Variants in GGA3 observed in about 807,000 individuals in gnomAD.
GGA3 encodes the protein golgi associated, gamma adaptin ear containing, ARF binding protein 3.
GGA3 carries 57 observed loss-of-function variants against 77.5 expected under a neutral mutation model. That is an observed-to-expected ratio of 0.74 (90% CI 0.59 to 0.92). GGA3 has a LOEUF of 0.92. Ranked by LOEUF, GGA3 falls within the 40% of genes least tolerant of loss-of-function variation. The probability of loss-of-function intolerance (pLI) is 0.00; values close to 1 mark genes in which losing one functional copy is unlikely to be tolerated. For synonymous variants in GGA3, 416 were observed against 383.7 expected, an observed-to-expected ratio of 1.08 and a Z score of -0.98; for missense variants, 970 against 914.9, an observed-to-expected ratio of 1.06 and a Z score of -0.78.
intron 3 of GGA3, among the ~76,000 whole-genome samples, chr17:75,246,139 C>T (rs546412914): frequency 1.3e-5 from 2 of 152,374 alleles, no homozygotes; most frequent in South Asian, 4.1e-4. Flanking sequence ...CCCCTCTTTT[C>T]TTCAGCTGGC....
In GGA3 at chr17:75,240,050, G is replaced by A; in HGVS notation, c.1322C>T (p.Ala441Val). 6.4e-7 allele frequency: 1 copy of A among 1,552,108 alleles called. No homozygotes were observed. Among genetic ancestry groups the A allele is most frequent in the South Asian group, 1.2e-5 (1 of 84,252 alleles). The change falls in exon 13 of 17, where the codon GCC (alanine) becomes GTC (valine). Residue 441 changes from alanine to valine, a missense_variant. Ala to Val is a moderately conservative substitution (Grantham distance 64). Coordinates refer to ENST00000537686, the MANE Select transcript of GGA3 (RefSeq NM_138619.4). ...SPRPGTAACG[A>V]SDAPLLQPSA... ...GGGCTGGAGCAGAGGAGCATCGGAG[G>A]CGCCACAGGCAGCGGTCCCCGGCCT... is the stretch of plus-strand genomic sequence containing the variant.
Position 75,239,037 on chromosome 17 carries a change from G to A in GGA3, c.1827C>T (p.Ile609=), listed in dbSNP as rs2145476191. 1 of 1,614,004 alleles carries A rather than the reference G, an allele frequency of 6.2e-7. No homozygotes were observed. The highest frequency in any genetic ancestry group is 8.5e-7 in the Non-Finnish European group (1 of 1,179,994). Residue 609 remains isoleucine, a synonymous_variant, in exon 15 of 17, where the codon ATC becomes ATT. Transcript: ENST00000537686. ...GACACTCCTTGGCAAAGTGGAAGAGGATGCGGAAGCCGTTTTTATCGTAGG... is the reference window on the plus strand; with the variant it reads ...GACACTCCTTGGCAAAGTGGAAGAGAATGCGGAAGCCGTTTTTATCGTAGG... ...VTAYDKNGFR[I]LFHFAKECPP...
chr17:75,245,964 CTT>C (rs1384171109), intron 3 of GGA3, among the ~76,000 whole-genome samples: 1 of 152,218 alleles, frequency 6.6e-6, no homozygotes, highest in Admixed American at 6.5e-5. Flanking sequence ...CTCGGCTGCT[CTT>C]TGTTTTCGGA....
chr17:75,256,005 G>A (rs2077139757), intron 1 of GGA3, among the ~76,000 whole-genome samples: 1 of 152,078 alleles, frequency 6.6e-6, no homozygotes, highest in Non-Finnish European at 1.5e-5. Flanking sequence ...ACCTATCTCG[G>A]CATAATTCTC....
rs2076423636 is a variant in GGA3 at position 75,239,017 on chromosome 17, T to G, written c.1847A>C (p.Glu616Ala). 6.2e-7 allele frequency: 1 copy of G among 1,613,952 alleles called. No homozygotes were observed. The highest frequency in any genetic ancestry group is 8.5e-7 in the Non-Finnish European group (1 of 1,180,024). Residue 616 changes from glutamate (E) to alanine (A), a missense_variant, in exon 15 of 17, where the codon GAG becomes GCG. By Grantham distance (107) the Glu-to-Ala change is moderately radical. Transcript: ENST00000537686. Reference protein sequence around the residue: ...GFRILFHFAKECPPGRPDVLV... With the variant: ...GFRILFHFAKACPPGRPDVLV... ...CACGTCAGGTCGTCCTGGGGGACAC[T>G]CCTTGGCAAAGTGGAAGAGGATGCG...
intron 1 of GGA3, among the ~76,000 whole-genome samples, chr17:75,255,185 G>A (rs978979884): frequency 6.6e-6 from 1 of 151,902 alleles, no homozygotes; most frequent in African/African-American, 2.4e-5. Flanking sequence ...TCTTTTCAAG[G>A]GCCTGTTTCC....
At chr17:75,242,300 G>C (rs1267334462) in intron 8 of GGA3, 36 bp downstream of exon 8, 1 of 1,612,592 alleles carries the variant, frequency 6.2e-7, no homozygotes. Flanking sequence ...GGGCAGCGCA[G>C]CCCCGGGAGG....
chr17:75,246,843 G>A (rs1262462677), intron 1 of GGA3, 47 bp from the exon 2 acceptor site: 2 of 1,450,900 alleles, frequency 1.4e-6, no homozygotes, highest in African/African-American at 2.8e-5. Flanking sequence ...AGAGCAATGA[G>A]GATGCAATGG....
intron 12 of GGA3, 94 bp from the exon 13 acceptor site, chr17:75,240,202 A>G (rs904755419): frequency 1.7e-6 from 2 of 1,208,172 alleles, no homozygotes; most frequent in Non-Finnish European, 2.4e-6. Context: ...CACGGAAGAC[A>G]GCCCCGGAGG....
At chr17:75,258,584 T>G (rs1236262598) in intron 1 of GGA3, among the ~76,000 whole-genome samples, 1 of 152,196 alleles carries the variant, frequency 6.6e-6, no homozygotes, top group Non-Finnish European at 1.5e-5. Flanking sequence ...GATGGAGAAT[T>G]GCTTGCACCT....
At chr17:75,241,187 G>C (rs747076680) in intron 10 of GGA3, 130 bp from the exon 11 acceptor site, 2 of 1,152,492 alleles carry the variant, frequency 1.7e-6, no homozygotes, top group African/African-American at 3.0e-5. Context: ...TCTCTGCCAG[G>C]GGATGCTGCA....
At position 75,238,178 on chromosome 17, in the gene GGA3, A is replaced by G; in HGVS notation, c.*101T>C. 6.6e-7 allele frequency: 1 copy of G among 1,520,530 alleles called. No individual in the cohort carries two copies. The highest frequency in any genetic ancestry group is 8.8e-7 in the Non-Finnish European group (1 of 1,134,660). 94.2% of individuals were successfully genotyped at this position (1,520,530 alleles called of 1,614,324 possible). A position where few individuals can be genotyped will look rare whatever the true frequency, so the allele number is the denominator to read the frequency against. ...GGCCCCTGTTCCACATCAAAGCTAC[A>G]AGCACTGTTGTCAGGGCATGGAGAG... On this transcript the variant is annotated 3_prime_UTR_variant, in exon 17 of 17. Transcript: ENST00000537686.
chr17:75,247,854 G>A (rs1245497423), intron 1 of GGA3, among the ~76,000 whole-genome samples: 1 of 152,100 alleles, frequency 6.6e-6, no homozygotes, highest in Non-Finnish European at 1.5e-5. Context: ...TATTTGGCAT[G>A]GGCTCTCCTC....
Position 75,244,643 on chromosome 17 carries a change from C to T in GGA3, c.276G>A (p.Glu92=). Residue 92 remains glutamate, a synonymous_variant, in exon 4 of 17, where the codon GAG becomes GAA. Transcript: ENST00000537686. ...NEVGKFRFLN[E]LIKVVSPKYL... is the part of the protein sequence containing the mutation. ...CCTTTGGAGAGACGACTTTGATTAA[C>T]TCATTCAAAAAGCGGAACTTCCCCA... 6.2e-7 allele frequency: 1 copy of T among 1,612,338 alleles called. No individual in the cohort carries two copies.
At position 75,261,546 on chromosome 17, in the gene GGA3, A is replaced by T; in HGVS notation, c.40+2T>A. 6.5e-7 allele frequency: 1 copy of T among 1,532,762 alleles called. No homozygotes were observed. Among genetic ancestry groups the T allele is most frequent in the Non-Finnish European group, 8.8e-7 (1 of 1,141,052 alleles). 94.9% of individuals were successfully genotyped at this position (1,532,762 alleles called of 1,614,324 possible). On this transcript the variant is annotated splice_donor_variant, in intron 1 of 16. Coordinates refer to ENST00000537686, the MANE Select transcript of GGA3 (RefSeq NM_138619.4). LOFTEE classifies it high-confidence loss of function. ...CAGGCAGAAACGGCCGCGGCTACTC[A>T]CTGAGCCAGGACTCCAGGCTTTCCC...
rs2076359606 is a variant in GGA3 at position 75,237,495 on chromosome 17, T to C, written c.*784A>G. On this transcript the variant is annotated 3_prime_UTR_variant, in exon 17 of 17. Coordinates refer to ENST00000537686, the MANE Select transcript of GGA3 (RefSeq NM_138619.4). The stretch of plus-strand genomic sequence containing the variant: ...CAGTAGGATGGCCTGTCCCCACGGC[T>C]GGAGGCACGCTTTTCCCAGAAAGCT... 6 of 1,535,878 alleles carry C rather than the reference T, an allele frequency of 3.9e-6. No individual in the cohort carries two copies. The highest frequency in any genetic ancestry group is 5.2e-6 in the Non-Finnish European group (6 of 1,146,802).
chr17:75,242,097 G>T, intron 8 of GGA3: 1 of 588,966 alleles, frequency 1.7e-6, no homozygotes, highest in South Asian at 2.0e-5. Context: ...TGTGGTCTCT[G>T]GAGTCAGACT....
At chr17:75,243,210 C>T (rs2076633396) in intron 5 of GGA3, 44 bp from the exon 6 acceptor site, 4 of 1,407,142 alleles carry the variant, frequency 2.8e-6, no homozygotes, top group Non-Finnish European at 9.9e-7. Flanking sequence ...CTGTGGTTGC[C>T]TTGTCACCCC....
At chr17:75,249,686 T>C in intron 1 of GGA3, among the ~76,000 whole-genome samples, 1 of 152,164 alleles carries the variant, frequency 6.6e-6, no homozygotes, top group South Asian at 2.1e-4. Context: ...CCCAGGGCTA[T>C]TATTTTGGGA....
Sources: allele counts gnomAD v4.1 joint callset (sites outside exome capture counted in the v4.1 genomes callset), GRCh38; gene constraint gnomAD v4.1.1; transcripts MANE v1.5; gene names NCBI Gene and HGNC (gene_info 2026-07-23, HGNC 2026-07-21).